Variants in UBE2K observed in about 807,000 individuals in gnomAD.
UBE2K encodes the protein ubiquitin-conjugating enzyme E2 K.
In UBE2K, 6 loss-of-function variants were observed where a neutral mutation model predicts 30.0. That is an observed-to-expected ratio of 0.20 (90% CI 0.11 to 0.39). UBE2K has a LOEUF of 0.39. Ranked by LOEUF, UBE2K falls within the 10% of genes least tolerant of loss-of-function variation. The probability of loss-of-function intolerance (pLI) is 1.00; values close to 1 mark genes in which losing one functional copy is unlikely to be tolerated. For missense variants in UBE2K, 61 were observed against 241.6 expected (o/e 0.25, Z 4.96); for synonymous variants, 86 against 83.7 (o/e 1.03, Z -0.15).
intron 4 of UBE2K, chr4:39,770,381 CATGAAG>C: frequency 3.1e-6 from 5 of 1,613,410 alleles, no homozygotes; most frequent in Non-Finnish European, 3.4e-6. Flanking sequence ...AGCGAGGGCA[CATGAAG>C]ATGAAGTGCT....
In UBE2K at chr4:39,716,896, G is replaced by GC. The variant is rs1487676724; in HGVS notation, c.63+18508dup. Reference sequence around the variant, plus strand: ...ACCTGTAATCCCAGCTGCTTGGGAAGCCGAGACAGGAGAATCACTTGAACC... The same window carrying GC: ...ACCTGTAATCCCAGCTGCTTGGGAAGCCCGAGACAGGAGAATCACTTGAACC... On this transcript the variant is annotated intron_variant, in intron 1 of 6. Coordinates refer to ENST00000261427, the MANE Select transcript of UBE2K (RefSeq NM_005339.5). 1.1e-4 allele frequency among the ~76,000 whole-genome samples: 17 copies of GC among 150,966 alleles called. No homozygotes were observed. The East Asian group carries it at 3.4e-3, about 30-fold the overall frequency.
At chr4:39,713,285 A>AGTTTTTTTTTTT in intron 1 of UBE2K, among the ~76,000 whole-genome samples, 1 of 39,370 alleles carries the variant, frequency 2.5e-5, no homozygotes, top group African/African-American at 1.5e-4. Context: ...TTCTGTAGGA[A>AGTTTTTTTTTTT]ATTTTTTTTT....
At chr4:39,770,706 A>G (rs1162855400) in intron 4 of UBE2K, 5 of 1,571,788 alleles carry the variant, frequency 3.2e-6, no homozygotes, top group Non-Finnish European at 4.3e-6. Flanking sequence ...GCTCTGGGCC[A>G]GCTCCCCAAG....
intron 1 of UBE2K, among the ~76,000 whole-genome samples, chr4:39,718,232 CCTGAG>C (rs1274602418): frequency 1.3e-5 from 2 of 152,096 alleles, no homozygotes; most frequent in Admixed American, 1.3e-4. Flanking sequence ...GTTTACAATC[CCTGAG>C]CTAGACACAA....
chr4:39,732,678 T>TC (rs2109343021), intron 1 of UBE2K, among the ~76,000 whole-genome samples: 1 of 148,506 alleles, frequency 6.7e-6, no homozygotes, highest in Non-Finnish European at 1.5e-5. Context: ...CCCTCTTTTT[T>TC]TTTTTTTTTT....
chr4:39,763,095 AC>A (rs370322006), intron 4 of UBE2K, among the ~76,000 whole-genome samples: 18 of 148,604 alleles, frequency 1.2e-4, no homozygotes, highest in African/African-American at 4.5e-4. Context: ...GGCACGTGCC[AC>A]CATGCCCAGC....
intron 4 of UBE2K, chr4:39,761,344 T>C (rs1711930751): frequency 6.6e-6 from 1 of 152,208 alleles, no homozygotes; most frequent in African/African-American, 2.4e-5. Flanking sequence ...CCTCTTTAAG[T>C]AGCATTTAGT....
At position 39,757,022 on chromosome 4, in the gene UBE2K, T is replaced by TG. The variant is rs1407807138; in HGVS notation, c.299+1283_299+1284insG. On this transcript the variant is annotated intron_variant, in intron 4 of 6. Transcript: ENST00000261427. ...GGTGTTTTTTTTTTGTTTTTTGTTT[T>TG]TTGTTTTTTGTTTTTTTTTTGAGAC... Among the ~76,000 whole-genome samples, 54 of 99,244 alleles carry TG rather than the reference T, an allele frequency of 5.4e-4. 3 individuals are homozygous for TG. The highest frequency in any genetic ancestry group is 2.3e-3 in the African/African-American group (52 of 22,994). The allele number at this position is 99,244 out of a possible 152,430, so 65.1% of individuals were successfully genotyped here.
intron 1 of UBE2K, among the ~76,000 whole-genome samples, chr4:39,721,398 G>T (rs2109327464): frequency 6.6e-6 from 1 of 152,304 alleles, no homozygotes; most frequent in Middle Eastern, 3.4e-3. Flanking sequence ...CTGTCACCCA[G>T]GCTGGAGTGC....
At chr4:39,704,299 A>T (rs1718207058) in intron 1 of UBE2K, among the ~76,000 whole-genome samples, 1 of 151,848 alleles carries the variant, frequency 6.6e-6, no homozygotes, top group Admixed American at 6.6e-5. Context: ...TTTTTATTTT[A>T]TTTTTTCAAA....
At chr4:39,698,574 G>T (rs1717828853) in intron 1 of UBE2K, among the ~76,000 whole-genome samples, 184 bp downstream of exon 1, 1 of 152,128 alleles carries the variant, frequency 6.6e-6, no homozygotes, top group African/African-American at 2.4e-5. Context: ...CAGAGCGCTA[G>T]GATGGACGGT....
intron 1 of UBE2K, among the ~76,000 whole-genome samples, chr4:39,707,310 C>T (rs889855518): frequency 6.6e-6 from 1 of 151,918 alleles, no homozygotes; most frequent in African/African-American, 2.4e-5. Context: ...CTTCCCAGGT[C>T]AGGCAGTTCT....
intron 3 of UBE2K, among the ~76,000 whole-genome samples, chr4:39,747,492 G>T (rs1054526410): frequency 2.6e-5 from 4 of 152,118 alleles, no homozygotes; most frequent in African/African-American, 2.4e-5. Flanking sequence ...TGTCATCAAG[G>T]TTCATTCATG....
In UBE2K at chr4:39,774,960, T is replaced by C. The variant is rs942356729; in HGVS notation, c.399+27T>C. The C allele has an allele frequency of 1.6e-5, 24 of 1,514,196 alleles. No homozygotes were observed. In the African/African-American group the frequency reaches 2.8e-4, roughly 17 times the overall value. 93.8% of individuals were successfully genotyped at this position (1,514,196 alleles called of 1,614,324 possible). On this transcript the variant is annotated intron_variant, in intron 5 of 6. Coordinates refer to ENST00000261427, the MANE Select transcript of UBE2K (RefSeq NM_005339.5). Reference sequence around the variant, plus strand: ...TAAGATGGCCGCTTTTGAAAGACTTTCTTATATTATGTATGAGTCTCTAGC... The same window carrying C: ...TAAGATGGCCGCTTTTGAAAGACTTCCTTATATTATGTATGAGTCTCTAGC...
intron 1 of UBE2K, chr4:39,714,550 A>ATATATATATATTTTTTTTTTTTTT: frequency 5.6e-5 from 1 of 17,844 alleles, no homozygotes; most frequent in African/African-American, 2.5e-4. Context: ...ATATATATAT[A>ATATATATATATTTTTTTTTTTTTT]TTTTTTTTTT....
intron 1 of UBE2K, among the ~76,000 whole-genome samples, chr4:39,728,642 C>T (rs1021335503): frequency 1.5e-4 from 22 of 145,086 alleles, no homozygotes; most frequent in Non-Finnish European, 2.6e-4. Flanking sequence ...TTCCTTTTTT[C>T]TTTTTTTTCT....
In UBE2K at chr4:39,781,939, T is replaced by C. The variant is rs1440161271; in HGVS notation, c.*3505T>C. 3 of 398,400 alleles carry C rather than the reference T, an allele frequency of 7.5e-6. No individual in the cohort carries two copies. The highest frequency in any genetic ancestry group is 1.3e-5 in the Non-Finnish European group (3 of 225,948). 24.7% of individuals were successfully genotyped at this position (398,400 alleles called of 1,614,324 possible). On this transcript the variant is annotated 3_prime_UTR_variant, in exon 7 of 7. Coordinates refer to ENST00000261427, the MANE Select transcript of UBE2K (RefSeq NM_005339.5). ...GAAGGCAACTTGAAGTATTTACTGA[T>C]AAAATAGCCTTTATTCCCAAGTGTG...
intron 4 of UBE2K, 88 bp downstream of exon 4, chr4:39,755,827 T>C: frequency 1.1e-6 from 1 of 936,000 alleles, no homozygotes; most frequent in East Asian, 2.7e-5. Context: ...TCAAAACATA[T>C]ATTATACTTT....
intron 1 of UBE2K, among the ~76,000 whole-genome samples, chr4:39,708,580 T>C (rs2109308767): frequency 6.6e-6 from 1 of 152,192 alleles, no homozygotes; most frequent in East Asian, 1.9e-4. Flanking sequence ...GAGTATATAT[T>C]ATGTATTTTA....
Sources: allele counts gnomAD v4.1 joint callset (sites outside exome capture counted in the v4.1 genomes callset), GRCh38; gene constraint gnomAD v4.1.1; transcripts MANE v1.5; gene names NCBI Gene and HGNC (gene_info 2026-07-23, HGNC 2026-07-21).